The following XKR6 variants were observed in gnomAD, a reference collection of about 807,000 sequenced individuals.
XKR6 encodes the protein XK-related protein 6.
A neutral mutation model predicts 56.7 loss-of-function variants in XKR6; 22 were observed. The ratio of observed to expected loss-of-function variants is 0.39; its 90% confidence interval spans 0.28 to 0.55. The LOEUF is 0.55. Among genes scored for constraint, XKR6 ranks in the 20% least tolerant of loss-of-function variants. XKR6 has a pLI of 0.66. For missense variants in XKR6, 852 were observed against 889.0 expected (o/e 0.96, Z 0.53); for synonymous variants, 524 against 387.8 (o/e 1.35, Z -4.13).
At chr8:11,060,255 G>C (rs1429725242) in intron 1 of XKR6, among the ~76,000 whole-genome samples, 1 of 152,138 alleles carries the variant, frequency 6.6e-6, no homozygotes, top group African/African-American at 2.4e-5. Context: ...ACTTTGGTGA[G>C]ACAGCTAGTG....
At chr8:11,114,272 C>T (rs1056766999) in intron 1 of XKR6, among the ~76,000 whole-genome samples, 54 of 152,122 alleles carry the variant, frequency 3.5e-4, no homozygotes, top group African/African-American at 1.1e-3. Flanking sequence ...TCCTGTTAGC[C>T]GCTGGGTATC....
chr8:10,926,357 G>A (rs576009092), intron 1 of XKR6, among the ~76,000 whole-genome samples: 17 of 152,280 alleles, frequency 1.1e-4, no homozygotes, highest in African/African-American at 4.1e-4. Flanking sequence ...AAACACACAT[G>A]CCAGGTGCAG....
chr8:11,099,030 C>T (rs1798366978), intron 1 of XKR6, among the ~76,000 whole-genome samples: 2 of 152,160 alleles, frequency 1.3e-5, no homozygotes, highest in Non-Finnish European at 2.9e-5. Flanking sequence ...TCCCCCTTCC[C>T]TAGCCCCTGG....
At chr8:11,188,436 T>C (rs994772646) in intron 1 of XKR6, among the ~76,000 whole-genome samples, 1 of 152,222 alleles carries the variant, frequency 6.6e-6, no homozygotes, top group Non-Finnish European at 1.5e-5. Context: ...TTGACAACTT[T>C]TGTTTCATCT....
chr8:11,171,635 C>T (rs1563192255), intron 1 of XKR6, among the ~76,000 whole-genome samples: 1 of 152,210 alleles, frequency 6.6e-6, no homozygotes, highest in East Asian at 1.9e-4. Context: ...CACACACAAG[C>T]CCTCTTAGCC....
intron 1 of XKR6, among the ~76,000 whole-genome samples, chr8:11,171,978 G>A (rs574232128): frequency 3.3e-5 from 5 of 151,910 alleles, no homozygotes; most frequent in East Asian, 3.9e-4. Context: ...GCTTGAACCC[G>A]GGAGGCACAG....
intron 1 of XKR6, chr8:11,194,368 C>T (rs905586492): frequency 1.3e-5 from 2 of 152,218 alleles, no homozygotes; most frequent in African/African-American, 4.8e-5. Flanking sequence ...ATGTCCTGCG[C>T]TTTTCTTAAG....
At chr8:11,037,467 C>T (rs1799174761) in intron 1 of XKR6, among the ~76,000 whole-genome samples, 1 of 152,238 alleles carries the variant, frequency 6.6e-6, no homozygotes. Flanking sequence ...TCTAGCGATC[C>T]ACCCACCTCC....
rs77219280 is a variant in XKR6 at position 10,896,579 on chromosome 8, A to G, written c.*1373T>C. The G allele has an allele frequency of 0.052, 7,970 of 152,654 alleles. 232 individuals carry two copies. The highest frequency in any genetic ancestry group is 0.083 in the African/African-American group (3,427 of 41,512). The allele number at this position is 152,654 out of a possible 1,614,324, so 9.5% of individuals were successfully genotyped here. A position where few individuals can be genotyped will look rare whatever the true frequency, so the allele number is the denominator to read the frequency against. On this transcript the variant is annotated 3_prime_UTR_variant, in exon 3 of 3. Coordinates refer to ENST00000416569, the MANE Select transcript of XKR6 (RefSeq NM_173683.4). Reference sequence around the variant, plus strand: ...CACACACATACACACACAAACACACACATACTACACACACAAAATTTCCCA... The same window carrying G: ...CACACACATACACACACAAACACACGCATACTACACACACAAAATTTCCCA...
At chr8:10,939,852 G>T (rs1013774152) in intron 1 of XKR6, among the ~76,000 whole-genome samples, 3 of 152,188 alleles carry the variant, frequency 2.0e-5, no homozygotes, top group Non-Finnish European at 4.4e-5. Flanking sequence ...GTTGTCAGGC[G>T]TCCTTGGGAG....
At position 11,117,023 on chromosome 8, in the gene XKR6, C is replaced by T. The variant is rs62488583; in HGVS notation, c.764+83553G>A. Among the ~76,000 whole-genome samples the T allele has an allele frequency of 7.6e-3, 1,153 of 152,252 alleles. 14 individuals carry two copies. The highest frequency in any genetic ancestry group is 9.8e-3 in the Non-Finnish European group (669 of 68,026). On this transcript the variant is annotated intron_variant, in intron 1 of 2. Transcript: ENST00000416569. ...CACTTCAGTAATATTACACTGTCTC[C>T]CATTTAATAGGATTGATGAATTCTA...
chr8:11,083,068 TGA>T (rs1458931429), intron 1 of XKR6, among the ~76,000 whole-genome samples: 1 of 152,180 alleles, frequency 6.6e-6, no homozygotes, highest in African/African-American at 2.4e-5. Context: ...TCTGATCCTG[TGA>T]GTCTCCTCTG....
At chr8:11,068,527 C>A (rs753613617) in intron 1 of XKR6, among the ~76,000 whole-genome samples, 1 of 152,202 alleles carries the variant, frequency 6.6e-6, no homozygotes, top group Non-Finnish European at 1.5e-5. Flanking sequence ...CCTGCTGCTC[C>A]GTGCCTGCAC....
chr8:11,201,241 C>T lies in XKR6; in HGVS notation c.99G>A (p.Glu33=). ...CGCCGCCGCAGCCGCCTCCCCCGGGCTCCCCGTCCTCCTCGCCGCCGCTGC... is the reference window on the plus strand; with the variant it reads ...CGCCGCCGCAGCCGCCTCCCCCGGGTTCCCCGTCCTCCTCGCCGCCGCTGC... The part of the protein sequence containing the change: ...AVGSGGEEDG[E]PGGGGCGGGG... The change falls in exon 1 of 3, where the codon GAG becomes GAA. Residue 33 remains glutamate (E), a synonymous_variant. Coordinates refer to ENST00000416569, the MANE Select transcript of XKR6 (RefSeq NM_173683.4). 5.1e-6 allele frequency: 8 copies of T among 1,558,956 alleles called. No homozygotes were observed. The highest frequency in any genetic ancestry group is 6.9e-6 in the Non-Finnish European group (8 of 1,162,100).
intron 1 of XKR6, among the ~76,000 whole-genome samples, chr8:11,194,013 C>A (rs1803728555): frequency 2.0e-5 from 3 of 152,094 alleles, no homozygotes. Flanking sequence ...CAAAATGTCC[C>A]TATACATAGG....
intron 2 of XKR6, among the ~76,000 whole-genome samples, chr8:10,907,173 C>A (rs568314161): frequency 1.3e-5 from 2 of 152,154 alleles, no homozygotes; most frequent in East Asian, 1.9e-4. Context: ...CAAGACTGAT[C>A]GAAGTGATCT....
chr8:11,071,909 C>T (rs927825200), intron 1 of XKR6, among the ~76,000 whole-genome samples: 1 of 152,202 alleles, frequency 6.6e-6, no homozygotes, highest in African/African-American at 2.4e-5. Flanking sequence ...TGAATATATG[C>T]ACTACACCAA....
At chr8:11,132,863 A>G (rs1173080180) in intron 1 of XKR6, among the ~76,000 whole-genome samples, 1 of 37,230 alleles carries the variant, frequency 2.7e-5, no homozygotes, top group East Asian at 2.2e-4. Context: ...TGATGTGTGA[A>G]AAAAAAAAAA....
At chr8:11,021,389 G>A (rs903343637) in intron 1 of XKR6, among the ~76,000 whole-genome samples, 6 of 152,174 alleles carry the variant, frequency 3.9e-5, no homozygotes, top group South Asian at 2.1e-4. Flanking sequence ...AAGTTCCATC[G>A]GATTAAGGAT....
Sources: allele counts gnomAD v4.1 joint callset (sites outside exome capture counted in the v4.1 genomes callset), GRCh38; gene constraint gnomAD v4.1.1; transcripts MANE v1.5; gene names NCBI Gene and HGNC (gene_info 2026-07-23, HGNC 2026-07-21).